The following CCDC141 variants were observed in gnomAD, a reference collection of about 807,000 sequenced individuals.
CCDC141 encodes the protein coiled-coil domain containing 141, also known as coiled-coil domain-containing protein 141.
In CCDC141, 168 loss-of-function variants were observed where a neutral mutation model predicts 181.0. The ratio of observed to expected loss-of-function variants is 0.93; its 90% confidence interval spans 0.82 to 1.05. The LOEUF (loss-of-function observed/expected upper bound fraction) is 1.05. Ranked by LOEUF, CCDC141 falls within the 50% of genes least tolerant of loss-of-function variation. The probability of loss-of-function intolerance (pLI) is 0.00; values close to 1 mark genes in which losing one functional copy is unlikely to be tolerated. For synonymous variants in CCDC141, 666 were observed against 642.3 expected, an observed-to-expected ratio of 1.04 and a Z score of -0.56; for missense variants, 1,902 against 1,788.5, an observed-to-expected ratio of 1.06 and a Z score of -1.14.
At chr2:178,922,817 A>G (rs894358981) in intron 6 of CCDC141, among the ~76,000 whole-genome samples, 1 of 152,236 alleles carries the variant, frequency 6.6e-6, no homozygotes, top group African/African-American at 2.4e-5. Context: ...TGTGCTATAA[A>G]AAGTTTACTG....
chr2:178,961,135 C>T, intron 5 of CCDC141, 95 bp downstream of exon 5: 2 of 1,347,548 alleles, frequency 1.5e-6, no homozygotes, highest in South Asian at 3.0e-5. Context: ...AAAGATTTGA[C>T]CATGAAGACT....
intron 7 of CCDC141, among the ~76,000 whole-genome samples, chr2:178,908,053 A>G (rs531358954): frequency 6.6e-6 from 1 of 152,262 alleles, no homozygotes; most frequent in African/African-American, 2.4e-5. Context: ...AGATGATTTA[A>G]TGACTTTCCC....
intron 3 of CCDC141, 124 bp downstream of exon 3, chr2:178,978,360 G>T: frequency 1.9e-6 from 1 of 537,328 alleles, no homozygotes; most frequent in African/African-American, 2.0e-5. Flanking sequence ...GTGTATGTAT[G>T]TTTTGGTTAT....
chr2:178,834,558 G>C (rs995992525), intron 23 of CCDC141, 118 bp from the exon 24 acceptor site: 1 of 1,167,782 alleles, frequency 8.6e-7, no homozygotes, highest in Non-Finnish European at 1.2e-6. Context: ...AGGATTAGTA[G>C]GAACCTTGTA....
chr2:178,974,983 A>T, intron 4 of CCDC141, 74 bp downstream of exon 4: 1 of 671,966 alleles, frequency 1.5e-6, no homozygotes, highest in Non-Finnish European at 2.4e-6. Context: ...ATACACTATC[A>T]TACATAAGCA....
chr2:179,007,102 A>G (rs781681964), intron 2 of CCDC141, among the ~76,000 whole-genome samples: 1 of 152,202 alleles, frequency 6.6e-6, no homozygotes, highest in Non-Finnish European at 1.5e-5. Flanking sequence ...AAATGATTAA[A>G]GTCTGGAAAA....
At chr2:179,038,938 G>C (rs941434004) in intron 2 of CCDC141, among the ~76,000 whole-genome samples, 7 of 152,232 alleles carry the variant, frequency 4.6e-5, no homozygotes, top group African/African-American at 1.7e-4. Context: ...GAACATTCTT[G>C]GCAACTTCCC....
At chr2:178,825,300 GA>G (rs1684106979), downstream of CCDC141, 1 of 152,240 alleles carries the variant, frequency 6.6e-6, no homozygotes, top group Admixed American at 6.5e-5. Context: ...CTTGCTGATA[GA>G]AAAGTACATA....
intron 2 of CCDC141, among the ~76,000 whole-genome samples, chr2:179,009,617 A>G (rs1262907092): frequency 7.2e-6 from 1 of 139,164 alleles, no homozygotes; most frequent in Non-Finnish European, 1.5e-5. Context: ...GATGTAAACC[A>G]TCTATAGGTC....
At chr2:178,981,644 A>ATATATATATATATATATATG (rs1691405027) in intron 2 of CCDC141, among the ~76,000 whole-genome samples, 2 of 90,986 alleles carry the variant, frequency 2.2e-5, no homozygotes, top group African/African-American at 6.6e-5. Flanking sequence ...GTGTATATAT[A>ATATATATATATATATATATG]TATATATATA....
In CCDC141 at chr2:178,919,051, T is replaced by C. The variant is rs1688576410; in HGVS notation, c.898-144A>G. On this transcript the variant is annotated intron_variant, in intron 6 of 23. Coordinates refer to ENST00000443758, the MANE Select transcript of CCDC141 (RefSeq NM_173648.4). ...GGCTTTGGGAGATGATTAGTGACCT[T>C]ATGAAAGAGGCCTGAGAGGGCTGCC... 7 of 760,460 alleles carry C rather than the reference T, an allele frequency of 9.2e-6. No individual in the cohort carries two copies. In the Admixed American group the frequency reaches 1.5e-4, roughly 16 times the overall value. 47.1% of individuals were successfully genotyped at this position (760,460 alleles called of 1,614,324 possible).
At chr2:178,938,237 A>T (rs1406959161) in intron 6 of CCDC141, among the ~76,000 whole-genome samples, 4 of 152,154 alleles carry the variant, frequency 2.6e-5, no homozygotes, top group Non-Finnish European at 4.4e-5. Context: ...ATTTAGTTCT[A>T]TGAATTTCCC....
chr2:179,019,910 GCATGCATCA>G (rs2042646382), intron 2 of CCDC141, among the ~76,000 whole-genome samples: 1 of 151,936 alleles, frequency 6.6e-6, no homozygotes, highest in South Asian at 2.1e-4. Flanking sequence ...GGGACTACAG[GCATGCATCA>G]CCATGCCCAG....
chr2:178,948,234 A>G (rs538000711), intron 5 of CCDC141, among the ~76,000 whole-genome samples: 6 of 152,100 alleles, frequency 3.9e-5, no homozygotes, highest in African/African-American at 1.4e-4. Flanking sequence ...TTGATTACCT[A>G]TTGAAATAAC....
intron 7 of CCDC141, among the ~76,000 whole-genome samples, chr2:178,910,614 T>G (rs772198563): frequency 5.9e-5 from 9 of 152,222 alleles, no homozygotes; most frequent in Non-Finnish European, 1.3e-4. Context: ...GGGAACTGAT[T>G]CCTAATTCAG....
chr2:178,990,534 GAGGA>G (rs146600473), intron 2 of CCDC141, among the ~76,000 whole-genome samples: 4,359 of 134,424 alleles, frequency 0.032, 159 homozygotes, highest in African/African-American at 0.084. Context: ...GAAAGAGAGA[GAGGA>G]AGGAAGGAAG....
chr2:178,929,180 ACTCT>A (rs1332466030), intron 6 of CCDC141, among the ~76,000 whole-genome samples: 1 of 151,878 alleles, frequency 6.6e-6, no homozygotes, highest in African/African-American at 2.4e-5. Flanking sequence ...TATAAAACAG[ACTCT>A]CTTTCATTTT....
At chr2:178,952,890 T>C (rs1690010616) in intron 5 of CCDC141, among the ~76,000 whole-genome samples, 1 of 152,214 alleles carries the variant, frequency 6.6e-6, no homozygotes, top group Non-Finnish European at 1.5e-5. Context: ...CTTCTTTTTT[T>C]TGAGGCAGCA....
intron 11 of CCDC141, among the ~76,000 whole-genome samples, chr2:178,884,569 C>A (rs1397029136): frequency 6.6e-6 from 1 of 152,168 alleles, no homozygotes; most frequent in East Asian, 1.9e-4. Context: ...CACTGCCTAT[C>A]CTCCCTCCTT....
Sources: allele counts gnomAD v4.1 joint callset (sites outside exome capture counted in the v4.1 genomes callset), GRCh38; gene constraint gnomAD v4.1.1; transcripts MANE v1.5; gene names NCBI Gene and HGNC (gene_info 2026-07-23, HGNC 2026-07-21).